Variants in EGFR observed in about 807,000 individuals in gnomAD.
The protein encoded by EGFR is epidermal growth factor receptor.
In EGFR, 58 loss-of-function variants were observed where a neutral mutation model predicts 143.0. The ratio of observed to expected loss-of-function variants is 0.41; its 90% confidence interval spans 0.33 to 0.50. The LOEUF is 0.50. Among genes scored for constraint, EGFR ranks in the 20% least tolerant of loss-of-function variants. EGFR has a pLI of 0.39. For synonymous variants in EGFR, 613 were observed against 594.4 expected (o/e 1.03, Z -0.45); for missense variants, 1,307 against 1,579.0 (o/e 0.83, Z 2.92).
rs1172947666 is a variant in EGFR at position 55,025,986 on chromosome 7, A to AT, written c.88+6629dup. 3.3e-5 allele frequency among the ~76,000 whole-genome samples: 5 copies of AT among 152,030 alleles called. No homozygotes were observed. The East Asian group carries it at 9.7e-4, about 29-fold the overall frequency. ...GCTGAACCAAAAAAAGTAGGAGATG[A>AT]TTTTTTTTCTTTTTTCTTAAAGCAG... On this transcript the variant is annotated intron_variant, in intron 1 of 27. Transcript: ENST00000275493.
In EGFR at chr7:55,209,919, G is replaced by A. The variant is rs1021991659; in HGVS notation, c.*4302G>A. The A allele has an allele frequency of 6.6e-5, 10 of 152,228 alleles. No homozygotes were observed. Among genetic ancestry groups the A allele is most frequent in the Non-Finnish European group, 1.3e-4 (9 of 68,042 alleles). 9.4% of individuals were successfully genotyped at this position (152,228 alleles called of 1,614,324 possible). A position where few individuals can be genotyped will look rare whatever the true frequency, so the allele number is the denominator to read the frequency against. ...TTAAAAGGGTTAAGTTGAGGCAAGA[G>A]GAAAGCCCTTTCTCTCTCTTATAAA... On this transcript the variant is annotated 3_prime_UTR_variant, in exon 28 of 28. Transcript: ENST00000275493.
At chr7:55,092,649 C>T (rs544991920) in intron 1 of EGFR, among the ~76,000 whole-genome samples, 7 of 152,330 alleles carry the variant, frequency 4.6e-5, no homozygotes, top group African/African-American at 1.7e-4. Context: ...ATGGAATCAA[C>T]TTCATATATC....
intron 1 of EGFR, among the ~76,000 whole-genome samples, chr7:55,061,247 C>T (rs1228527563): frequency 6.6e-6 from 1 of 152,130 alleles, no homozygotes; most frequent in African/African-American, 2.4e-5. Flanking sequence ...ATATGTGTTG[C>T]AATTCAGCTT....
chr7:55,080,746 G>C (rs1372598607), intron 1 of EGFR, among the ~76,000 whole-genome samples: 1 of 152,180 alleles, frequency 6.6e-6, no homozygotes, highest in African/African-American at 2.4e-5. Context: ...TAATTAGCTT[G>C]ATGTAGCCAT....
intron 1 of EGFR, among the ~76,000 whole-genome samples, chr7:55,041,901 A>G (rs1274452300): frequency 1.3e-5 from 2 of 152,242 alleles, no homozygotes; most frequent in South Asian, 2.1e-4. Flanking sequence ...AAGGAAAACT[A>G]TACCTTAACT....
At chr7:55,087,440 A>T (rs930416987) in intron 1 of EGFR, among the ~76,000 whole-genome samples, 5 of 152,220 alleles carry the variant, frequency 3.3e-5, no homozygotes, top group African/African-American at 4.8e-5. Context: ...ATTAGAGAGC[A>T]GGTCTCAGAA....
chr7:55,161,747 G>T, intron 13 of EGFR, 116 bp downstream of exon 13: 1 of 1,564,928 alleles, frequency 6.4e-7, no homozygotes, highest in Non-Finnish European at 8.7e-7. Flanking sequence ...TTTGCCCTTG[G>T]CTTTTGGAGG....
Position 55,143,542 on chromosome 7 carries a change from G to A in EGFR, c.424+54G>A, listed in dbSNP as rs752803447. The A allele has an allele frequency of 8.1e-6, 13 of 1,596,528 alleles. No homozygotes were observed. The Admixed American group carries it at 8.4e-5, about 10-fold the overall frequency. On this transcript the variant is annotated intron_variant, in intron 3 of 27. Coordinates refer to ENST00000275493, the MANE Select transcript of EGFR (RefSeq NM_005228.5). ...GTTCATAAATGCAGACAGCAGTTCC[G>A]ATGGCTCCCAGCGAGCTTGTCACTC...
In EGFR at chr7:55,174,748, A is replaced by G; in HGVS notation, c.2211A>G (p.Lys737=). The G allele has an allele frequency of 6.2e-7, 1 of 1,614,012 alleles. No individual in the cohort carries two copies. The highest frequency in any genetic ancestry group is 8.5e-7 in the Non-Finnish European group (1 of 1,179,916). ...GACTCTGGATCCCAGAAGGTGAGAA[A>G]GTTAAAATTCCCGTCGCTATCAAGG... The part of the protein sequence containing the change: ...YKGLWIPEGE[K]VKIPVAIKEL... The change falls in exon 19 of 28, where the codon AAA becomes AAG. Residue 737 remains lysine (K), a synonymous_variant. Coordinates refer to ENST00000275493, the MANE Select transcript of EGFR (RefSeq NM_005228.5).
intron 1 of EGFR, among the ~76,000 whole-genome samples, chr7:55,123,052 G>T (rs1055055184): frequency 6.6e-6 from 1 of 152,238 alleles, no homozygotes; most frequent in Admixed American, 6.5e-5. Flanking sequence ...GGATGACCAG[G>T]CTAGTTTGTA....
chr7:55,203,600 C>T (rs564618325), intron 27 of EGFR, among the ~76,000 whole-genome samples: 33 of 134,520 alleles, frequency 2.5e-4, no homozygotes, highest in Non-Finnish European at 2.7e-4. Context: ...CCACAAAAAC[C>T]GCACACACAT....
At chr7:55,200,757 C>T (rs2128970729) in intron 24 of EGFR, 1 of 489,916 alleles carries the variant, frequency 2.0e-6, no homozygotes, top group South Asian at 2.2e-5. Flanking sequence ...CCCTGACTCT[C>T]CACTTCTTCG....
chr7:55,077,395 C>T (rs983297639), intron 1 of EGFR, among the ~76,000 whole-genome samples: 4 of 152,092 alleles, frequency 2.6e-5, no homozygotes, highest in Non-Finnish European at 5.9e-5. Flanking sequence ...TAAAATTCAG[C>T]GCAATATAAA....
chr7:55,019,172 G>T lies in EGFR; in HGVS notation c.-106G>T, dbSNP rs895139219. 7.3e-6 allele frequency: 7 copies of T among 962,998 alleles called. No homozygotes were observed. The highest frequency in any genetic ancestry group is 3.4e-4 in the Middle Eastern group (1 of 2,904). The allele number at this position is 962,998 out of a possible 1,614,324, so 59.7% of individuals were successfully genotyped here. A position where few individuals can be genotyped will look rare whatever the true frequency, so the allele number is the denominator to read the frequency against. ...ACGACAGGCCACCTCGTCGGCGTCC[G>T]CCCGAGTCCCCGCCTCGCCGCCAAC... On this transcript the variant is annotated 5_prime_UTR_variant, in exon 1 of 28. Transcript: ENST00000275493.
At chr7:55,110,970 G>C (rs1792446677) in intron 1 of EGFR, among the ~76,000 whole-genome samples, 1 of 152,172 alleles carries the variant, frequency 6.6e-6, no homozygotes, top group African/African-American at 2.4e-5. Flanking sequence ...AGTTTTGGGG[G>C]TTTTCCAGAC....
intron 1 of EGFR, among the ~76,000 whole-genome samples, chr7:55,071,045 G>T (rs1425990923): frequency 1.3e-5 from 2 of 152,268 alleles, no homozygotes; most frequent in African/African-American, 2.4e-5. Context: ...GAGGAACAAC[G>T]TGGAGACAGC....
At chr7:55,134,367 G>A (rs552270947) in intron 1 of EGFR, among the ~76,000 whole-genome samples, 59 of 151,566 alleles carry the variant, frequency 3.9e-4, no homozygotes, top group African/African-American at 9.4e-4. Context: ...CCACATGCAG[G>A]TCCAGTTCCA....
intron 7 of EGFR, among the ~76,000 whole-genome samples, chr7:55,155,526 G>C (rs1355901696): frequency 2.0e-5 from 3 of 152,324 alleles, no homozygotes; most frequent in South Asian, 4.1e-4. Flanking sequence ...TTAAAGGTGA[G>C]AGCAGGTGGA....
Position 55,163,406 on chromosome 7 carries a change from A to G in EGFR, c.1632-327A>G, listed in dbSNP as rs17336870. ...TCATTTTTCCAGCTTAATTTTGATA[A>G]CCATGAATCTGGTATTAGAGGCAGG... On this transcript the variant is annotated intron_variant, in intron 13 of 27. Transcript: ENST00000275493. 8.1e-3 allele frequency among the ~76,000 whole-genome samples: 1,241 copies of G among 152,326 alleles called. 23 individuals are homozygous for G. The highest frequency in any genetic ancestry group is 0.028 in the African/African-American group (1,161 of 41,560).
Sources: gnomAD v4.1 joint callset for allele counts (sites outside exome capture counted in the v4.1 genomes callset) on GRCh38, gnomAD v4.1.1 for gene constraint, MANE v1.5 for transcripts, NCBI Gene and HGNC (gene_info 2026-07-23, HGNC 2026-07-21) for gene names.